B3GNT2: variants seen among roughly 807,000 people sequenced by gnomAD.
The protein encoded by B3GNT2 is N-acetyllactosaminide beta-1,3-N-acetylglucosaminyltransferase 2.
B3GNT2 carries 12 observed loss-of-function variants against 27.6 expected under a neutral mutation model. That is an observed-to-expected ratio of 0.44 (90% CI 0.28 to 0.71). The LOEUF is 0.71. Among genes scored for constraint, B3GNT2 ranks in the 30% least tolerant of loss-of-function variants. The pLI is 0.17. For missense variants in B3GNT2, 413 were observed against 488.5 expected, an observed-to-expected ratio of 0.85 and a Z score of 1.46; for synonymous variants, 192 against 189.7, an observed-to-expected ratio of 1.01 and a Z score of -0.10.
chr2:62,200,087 T>C (rs1007372548), intron 1 of B3GNT2, among the ~76,000 whole-genome samples: 1 of 152,236 alleles, frequency 6.6e-6, no homozygotes, highest in African/African-American at 2.4e-5. Flanking sequence ...GTTGAGATTT[T>C]TGCCCTCTGT....
At chr2:62,210,703 G>C (rs892163558) in intron 1 of B3GNT2, among the ~76,000 whole-genome samples, 2 of 152,034 alleles carry the variant, frequency 1.3e-5, no homozygotes, top group Non-Finnish European at 2.9e-5. Context: ...CCGGGAGGCA[G>C]GGGTTGCAGT....
At chr2:62,208,240 C>G (rs537526565) in intron 1 of B3GNT2, among the ~76,000 whole-genome samples, 3 of 133,594 alleles carry the variant, frequency 2.2e-5, no homozygotes, top group Non-Finnish European at 3.2e-5. Context: ...TCCTTCCCCC[C>G]CAATCTCTAC....
Position 62,196,179 on chromosome 2 carries a change from A to T in B3GNT2, c.-186A>T, listed in dbSNP as rs111723428. The T allele has an allele frequency of 1.3e-5, 2 of 151,730 alleles. No individual in the cohort carries two copies. The allele number at this position is 151,730 out of a possible 1,614,324, so 9.4% of individuals were successfully genotyped here. ...ACAAGTGCCGGAGGCTAGCAGAGCC[A>T]AGCCGGAGCAGTCCCTGCCGCCGAC... On this transcript the variant is annotated 5_prime_UTR_variant, in exon 1 of 2. Transcript: ENST00000301998.
At chr2:62,221,431 G>GC (rs1228365164) in intron 1 of B3GNT2, among the ~76,000 whole-genome samples, 1 of 152,116 alleles carries the variant, frequency 6.6e-6, no homozygotes, top group Non-Finnish European at 1.5e-5. Flanking sequence ...GCAACCTTGG[G>GC]CAAGTGTCTT....
chr2:62,206,771 C>T (rs1277259360), intron 1 of B3GNT2, among the ~76,000 whole-genome samples: 1 of 152,156 alleles, frequency 6.6e-6, no homozygotes, highest in Non-Finnish European at 1.5e-5. Context: ...TTTGGAAGAG[C>T]GAGTCAGGCA....
At chr2:62,209,642 C>T (rs371068328) in intron 1 of B3GNT2, among the ~76,000 whole-genome samples, 2 of 152,138 alleles carry the variant, frequency 1.3e-5, no homozygotes, top group Non-Finnish European at 2.9e-5. Context: ...CGTCACCCCC[C>T]ACACACACCA....
chr2:62,208,626 G>A (rs565965064), intron 1 of B3GNT2, among the ~76,000 whole-genome samples: 2 of 152,338 alleles, frequency 1.3e-5, no homozygotes, highest in Admixed American at 6.5e-5. Context: ...GGACCAGAGG[G>A]AGGGATGCTG....
intron 1 of B3GNT2, among the ~76,000 whole-genome samples, chr2:62,197,000 A>G (rs1674159339): frequency 6.6e-6 from 1 of 151,852 alleles, no homozygotes; most frequent in Non-Finnish European, 1.5e-5. Context: ...GTTTCTGCCA[A>G]ACTTAGGGAA....
chr2:62,204,436 C>T (rs570016331), intron 1 of B3GNT2, among the ~76,000 whole-genome samples: 2 of 152,286 alleles, frequency 1.3e-5, no homozygotes, highest in African/African-American at 4.8e-5. Context: ...TTTTAACCCT[C>T]CAGGTCTGGC....
intron 1 of B3GNT2, among the ~76,000 whole-genome samples, chr2:62,198,301 T>A (rs1209518676): frequency 6.6e-6 from 1 of 152,232 alleles, no homozygotes; most frequent in Non-Finnish European, 1.5e-5. Flanking sequence ...ATTTTACACA[T>A]CTGGTTTTGG....
chr2:62,219,770 G>A (rs1281733171), intron 1 of B3GNT2, among the ~76,000 whole-genome samples: 3 of 152,170 alleles, frequency 2.0e-5, no homozygotes. Flanking sequence ...GAAATAACTG[G>A]AGTTATCACG....
rs1674787079 is a variant in B3GNT2, at chr2:62,224,582, C to T, written c.*1168C>T. 6.0e-6 allele frequency: 1 copy of T among 166,944 alleles called. No individual in the cohort carries two copies. The highest frequency in any genetic ancestry group is 6.5e-5 in the Admixed American group (1 of 15,276). The allele number at this position is 166,944 out of a possible 1,614,324, so 10.3% of individuals were successfully genotyped here. A position where few individuals can be genotyped will look rare whatever the true frequency, so the allele number is the denominator to read the frequency against. On this transcript the variant is annotated 3_prime_UTR_variant, in exon 2 of 2. Transcript: ENST00000301998. ...ATTTGTTTTTTGGGGGTATGAACTA[C>T]TAGAGTTTAAAATTCTGCCAAACTA...
chr2:62,209,783 C>T (rs865818095), intron 1 of B3GNT2, among the ~76,000 whole-genome samples: 12 of 152,278 alleles, frequency 7.9e-5, no homozygotes, highest in African/African-American at 2.6e-4. Context: ...GTGCTGATCT[C>T]CCTTCACTGC....
intron 1 of B3GNT2, among the ~76,000 whole-genome samples, chr2:62,213,715 GTTAT>G (rs1674520776): frequency 1.3e-5 from 2 of 152,112 alleles, no homozygotes; most frequent in African/African-American, 4.8e-5. Context: ...AGTCTAGCAA[GTTAT>G]TTAAATTTTT....
intron 1 of B3GNT2, among the ~76,000 whole-genome samples, chr2:62,198,512 G>C (rs138418446): frequency 6.6e-6 from 1 of 152,338 alleles, no homozygotes; most frequent in East Asian, 1.9e-4. Context: ...TTCCCTGTCT[G>C]AGACTGAAAT....
chr2:62,209,583 A>G (rs980261120), intron 1 of B3GNT2, among the ~76,000 whole-genome samples: 3 of 152,212 alleles, frequency 2.0e-5, no homozygotes, highest in Middle Eastern at 3.2e-3. Flanking sequence ...ATTCAAGACC[A>G]GATGGGGCAA....
intron 1 of B3GNT2, among the ~76,000 whole-genome samples, chr2:62,221,528 GAGAT>G (rs1558637265): frequency 6.6e-6 from 1 of 152,102 alleles, no homozygotes; most frequent in African/African-American, 2.4e-5. Context: ...AAAAGAGAGA[GAGAT>G]AGGGTCAGAC....
At chr2:62,217,525 G>C (rs1400078596) in intron 1 of B3GNT2, among the ~76,000 whole-genome samples, 1 of 152,250 alleles carries the variant, frequency 6.6e-6, no homozygotes, top group East Asian at 1.9e-4. Flanking sequence ...ACGTGGCACA[G>C]GCACAAGGGA....
At chr2:62,205,111 T>A (rs1407427504) in intron 1 of B3GNT2, among the ~76,000 whole-genome samples, 1 of 152,186 alleles carries the variant, frequency 6.6e-6, no homozygotes, top group Non-Finnish European at 1.5e-5. Flanking sequence ...ATTGCTGTGG[T>A]CCCTCGTCCC....
Sources: allele counts gnomAD v4.1 joint callset (sites outside exome capture counted in the v4.1 genomes callset), GRCh38; gene constraint gnomAD v4.1.1; transcripts MANE v1.5; gene names NCBI Gene and HGNC (gene_info 2026-07-23, HGNC 2026-07-21).